CNTLN: variants seen among roughly 807,000 people sequenced by gnomAD.
CNTLN encodes centlein, also known as centlein, centrosomal protein.
In CNTLN, 212 loss-of-function variants were observed where a neutral mutation model predicts 180.0. That is an observed-to-expected ratio of 1.18 (90% confidence interval 1.05 to 1.32). The LOEUF is 1.32. CNTLN is among the 40% of genes most tolerant of loss of function. CNTLN has a pLI of 0.00. For synonymous variants in CNTLN, 722 were observed against 563.1 expected (o/e 1.28, Z -3.99); for missense variants, 2,095 against 1,610.9 (o/e 1.30, Z -5.14).
At chr9:17,405,475 C>G (rs1298959376) in intron 15 of CNTLN, among the ~76,000 whole-genome samples, 2 of 151,686 alleles carry the variant, frequency 1.3e-5, no homozygotes, top group African/African-American at 2.4e-5. Context: ...CGGCAAGGAG[C>G]CTGATAGAGC....
intron 6 of CNTLN, among the ~76,000 whole-genome samples, chr9:17,294,046 G>C (rs1035607096): frequency 1.2e-4 from 19 of 152,188 alleles, no homozygotes; most frequent in Admixed American, 5.9e-4. Context: ...TCCGGAGTTT[G>C]TTCCTTCTGA....
chr9:17,174,305 C>G (rs1820583121), intron 2 of CNTLN, among the ~76,000 whole-genome samples: 1 of 152,148 alleles, frequency 6.6e-6, no homozygotes, highest in Non-Finnish European at 1.5e-5. Flanking sequence ...TATTTGTGTA[C>G]ATACTTTTTT....
intron 8 of CNTLN, among the ~76,000 whole-genome samples, chr9:17,318,842 ATCCATCCATC>A (rs1819711083): frequency 2.0e-3 from 7 of 3,494 alleles, no homozygotes; most frequent in African/African-American, 2.8e-3. Flanking sequence ...CCTTTATTCC[ATCCATCCATC>A]CATCCATCCA....
At chr9:17,252,620 G>A (rs113067246) in intron 5 of CNTLN, among the ~76,000 whole-genome samples, 4 of 151,540 alleles carry the variant, frequency 2.6e-5, no homozygotes, top group African/African-American at 7.3e-5. Context: ...GTTCCTTGTC[G>A]ATTCTAGTTA....
rs1828178506 is a variant in CNTLN at position 17,415,807 on chromosome 9, A to G, written c.2816A>G (p.Asn939Ser). The change falls in exon 17 of 26, where the codon AAT becomes AGT. Residue 939 changes from asparagine (N) to serine (S), a missense_variant. Coordinates refer to ENST00000380647, the MANE Select transcript of CNTLN (RefSeq NM_017738.4). ...ATTTAGGACTATTTTCATGATAAGA[A>G]TGCCAAAAAACCAACTTTTCAAAAG... ...KTPKDYFHDK[N>S]AKKPTFQKKN... The G allele has an allele frequency of 6.2e-7, 1 of 1,609,306 alleles. No individual in the cohort carries two copies. The highest frequency in any genetic ancestry group is 8.5e-7 in the Non-Finnish European group (1 of 1,176,648).
At chr9:17,147,118 A>G (rs1818509389) in intron 2 of CNTLN, among the ~76,000 whole-genome samples, 1 of 152,132 alleles carries the variant, frequency 6.6e-6, no homozygotes, top group Non-Finnish European at 1.5e-5. Context: ...CTTTGAATGT[A>G]AGGTTTGCCT....
chr9:17,251,215 A>G (rs1814220935), intron 5 of CNTLN, among the ~76,000 whole-genome samples: 1 of 151,962 alleles, frequency 6.6e-6, no homozygotes, highest in Non-Finnish European at 1.5e-5. Context: ...TTTGATTATA[A>G]TGTATCTCAA....
rs573874969 is a variant in CNTLN at position 17,298,274 on chromosome 9, G to C, written c.1068G>C (p.Gln356His). The part of the protein sequence containing the change: ...AQQAELIQQL[Q>H]VLNMDTQKVL... ...AAGCAGAGCTGATCCAGCAGCTTCA[G>C]GTTCTCAATATGGACACACAAAAAG... The change falls in exon 7 of 26, where the codon CAG becomes CAC. Residue 356 changes from glutamine to histidine, a missense_variant. Transcript: ENST00000380647. The C allele has an allele frequency of 1.2e-6, 2 of 1,613,548 alleles. No homozygotes were observed. The highest frequency in any genetic ancestry group is 2.2e-5 in the East Asian group (1 of 44,842).
chr9:17,303,732 A>C (rs1338657796), intron 7 of CNTLN, among the ~76,000 whole-genome samples: 1 of 152,086 alleles, frequency 6.6e-6, no homozygotes, highest in Non-Finnish European at 1.5e-5. Context: ...GTCTACACAT[A>C]TTTTTAGATT....
intron 8 of CNTLN, among the ~76,000 whole-genome samples, chr9:17,320,090 T>C (rs947291489): frequency 6.6e-6 from 1 of 152,244 alleles, no homozygotes; most frequent in Non-Finnish European, 1.5e-5. Context: ...CAGGGTTTAC[T>C]ATATTTATCT....
chr9:17,188,268 G>A (rs182672047), intron 2 of CNTLN, among the ~76,000 whole-genome samples: 12 of 152,068 alleles, frequency 7.9e-5, no homozygotes, highest in Admixed American at 6.5e-4. Context: ...ATCACGTTTA[G>A]ATTTGTTATT....
chr9:17,257,125 C>A (rs142631859), intron 5 of CNTLN, among the ~76,000 whole-genome samples: 33,137 of 151,412 alleles, frequency 0.22, 4,773 homozygotes, highest in African/African-American at 0.41. Flanking sequence ...ATCCCTCCCC[C>A]CTCCTCCCAC....
At chr9:17,181,487 T>G (rs936994162) in intron 2 of CNTLN, among the ~76,000 whole-genome samples, 2 of 152,266 alleles carry the variant, frequency 1.3e-5, no homozygotes, top group Non-Finnish European at 2.9e-5. Context: ...TGTTTTGAAA[T>G]TGTTGTCACA....
chr9:17,312,696 C>T (rs1305961358), intron 8 of CNTLN, among the ~76,000 whole-genome samples: 1 of 151,726 alleles, frequency 6.6e-6, no homozygotes, highest in African/African-American at 2.4e-5. Context: ...AGCCACCACG[C>T]CAGCCTGTAT....
At chr9:17,369,992 A>G (rs1221814393) in intron 13 of CNTLN, among the ~76,000 whole-genome samples, 2 of 152,002 alleles carry the variant, frequency 1.3e-5, no homozygotes, top group Non-Finnish European at 2.9e-5. Flanking sequence ...TCTCGAAAAA[A>G]AAAAAAAAGA....
At chr9:17,137,413 C>T (rs367957014) in intron 1 of CNTLN, among the ~76,000 whole-genome samples, 1 of 152,060 alleles carries the variant, frequency 6.6e-6, no homozygotes, top group Non-Finnish European at 1.5e-5. Context: ...TATACTCTCC[C>T]GCTTATTTAT....
At chr9:17,148,138 C>G (rs1231992543) in intron 2 of CNTLN, among the ~76,000 whole-genome samples, 2 of 152,158 alleles carry the variant, frequency 1.3e-5, no homozygotes, top group African/African-American at 2.4e-5. Context: ...GAACAGTTAT[C>G]AACACACGGA....
rs561666902 is a variant in CNTLN, at chr9:17,303,983, C to G, written c.1147-5075C>G. On this transcript the variant is annotated intron_variant, in intron 7 of 25. Transcript: ENST00000380647. ...GAAGTTTGTTTCCTCTGTTCTCTTTCTCTCAATTCTTCACCCCTTTTTCTT... is the reference window on the plus strand; with the variant it reads ...GAAGTTTGTTTCCTCTGTTCTCTTTGTCTCAATTCTTCACCCCTTTTTCTT... Among the ~76,000 whole-genome samples, 7 of 152,250 alleles carry G rather than the reference C, an allele frequency of 4.6e-5. No homozygotes were observed. The South Asian group carries it at 1.5e-3, about 32-fold the overall frequency.
intron 2 of CNTLN, among the ~76,000 whole-genome samples, chr9:17,215,700 G>A (rs1020219955): frequency 1.8e-4 from 28 of 152,190 alleles, no homozygotes; most frequent in African/African-American, 5.5e-4. Flanking sequence ...TGGGCTCCAC[G>A]CAGTTCGAGC....
Sources: allele counts gnomAD v4.1 joint callset (sites outside exome capture counted in the v4.1 genomes callset), GRCh38; gene constraint gnomAD v4.1.1; transcripts MANE v1.5; gene names NCBI Gene and HGNC (gene_info 2026-07-23, HGNC 2026-07-21).